Variants in ATRNL1 observed in about 807,000 individuals in gnomAD.
ATRNL1 encodes attractin-like protein 1.
Under a neutral mutation model 182.7 loss-of-function variants are expected in ATRNL1, and 95 were observed. That is an observed-to-expected ratio of 0.52 (90% CI 0.44 to 0.62). The LOEUF (loss-of-function observed/expected upper bound fraction) is 0.62, where lower values mean the gene tolerates loss of function less well. ATRNL1 is among the 20% of genes least tolerant of loss of function. The pLI is 0.00. For missense variants in ATRNL1, 1,471 were observed against 1,679.5 expected, an observed-to-expected ratio of 0.88 and a Z score of 2.17; for synonymous variants, 576 against 568.3, an observed-to-expected ratio of 1.01 and a Z score of -0.19.
chr10:115,922,038 T>C (rs1197661487), intron 28 of ATRNL1, among the ~76,000 whole-genome samples: 32 of 152,164 alleles, frequency 2.1e-4, no homozygotes. Context: ...TTGAGACTGC[T>C]GCCAGCCTCG....
intron 9 of ATRNL1, among the ~76,000 whole-genome samples, chr10:115,223,609 G>A (rs989539064): frequency 1.3e-5 from 2 of 151,682 alleles, no homozygotes; most frequent in African/African-American, 2.4e-5. Context: ...CATTTGAATA[G>A]GACAATGAAC....
At chr10:115,602,635 G>C (rs748022958) in intron 26 of ATRNL1, among the ~76,000 whole-genome samples, 1 of 152,108 alleles carries the variant, frequency 6.6e-6, no homozygotes, top group Non-Finnish European at 1.5e-5. Flanking sequence ...AGGCCAAGGT[G>C]GGTGGATCAC....
At chr10:115,581,356 T>C (rs1855062089) in intron 26 of ATRNL1, among the ~76,000 whole-genome samples, 1 of 152,074 alleles carries the variant, frequency 6.6e-6, no homozygotes, top group South Asian at 2.1e-4. Flanking sequence ...ATGTTAGATA[T>C]GTATTGTCAG....
chr10:115,540,206 A>G (rs536927861), intron 25 of ATRNL1, among the ~76,000 whole-genome samples: 4 of 152,046 alleles, frequency 2.6e-5, no homozygotes, highest in Non-Finnish European at 4.4e-5. Context: ...CTGTGTGCTG[A>G]TCTGATCCTA....
At chr10:115,159,091 G>A (rs1215143453) in intron 5 of ATRNL1, among the ~76,000 whole-genome samples, 1 of 151,398 alleles carries the variant, frequency 6.6e-6, no homozygotes, top group East Asian at 1.9e-4. Flanking sequence ...TTTTTAACTT[G>A]GGACCCATTA....
chr10:115,180,883 G>A (rs1847723129), intron 8 of ATRNL1, among the ~76,000 whole-genome samples: 1 of 151,922 alleles, frequency 6.6e-6, no homozygotes, highest in Non-Finnish European at 1.5e-5. Flanking sequence ...GGTTCAGATA[G>A]TAAATAGTTT....
chr10:115,595,210 TCCTTCCTC>T (rs144621022), intron 26 of ATRNL1, among the ~76,000 whole-genome samples: 45,075 of 151,658 alleles, frequency 0.3, 7,737 homozygotes, highest in East Asian at 0.67. Context: ...TTTTTTTCTT[TCCTTCCTC>T]CCTTCCTTTC....
chr10:115,858,300 T>G (rs1555102596), intron 28 of ATRNL1, among the ~76,000 whole-genome samples: 3 of 152,180 alleles, frequency 2.0e-5, no homozygotes, highest in Non-Finnish European at 4.4e-5. Context: ...TGCCCATCAA[T>G]GATAGCCTGG....
At chr10:115,619,194 T>G (rs1182956718) in intron 26 of ATRNL1, among the ~76,000 whole-genome samples, 1 of 152,066 alleles carries the variant, frequency 6.6e-6, no homozygotes, top group African/African-American at 2.4e-5. Context: ...AATCCTTGGG[T>G]CTCTGGGGTC....
intron 21 of ATRNL1, among the ~76,000 whole-genome samples, chr10:115,436,166 C>A (rs1846396670): frequency 6.6e-6 from 1 of 151,936 alleles, no homozygotes; most frequent in East Asian, 1.9e-4. Flanking sequence ...AAATGAATTT[C>A]AAGGTTTGTT....
intron 19 of ATRNL1, among the ~76,000 whole-genome samples, chr10:115,382,745 A>G (rs1858095591): frequency 6.6e-6 from 1 of 151,116 alleles, no homozygotes. Flanking sequence ...CTCCAGTACA[A>G]GCATAAAAAT....
intron 28 of ATRNL1, among the ~76,000 whole-genome samples, chr10:115,920,860 GAAGTT>G (rs1555118547): frequency 6.6e-6 from 1 of 152,116 alleles, no homozygotes; most frequent in African/African-American, 2.4e-5. Context: ...AGAGAAAGAA[GAAGTT>G]AAGAAGTATC....
intron 27 of ATRNL1, among the ~76,000 whole-genome samples, chr10:115,740,821 A>AACAC (rs1314938267): frequency 0.038 from 2,167 of 57,264 alleles, 50 homozygotes; most frequent in African/African-American, 0.087. Context: ...TATCTCTTTA[A>AACAC]ACACACACAC....
At chr10:115,206,316 A>G (rs532513922) in intron 8 of ATRNL1, among the ~76,000 whole-genome samples, 15 of 151,792 alleles carry the variant, frequency 9.9e-5, no homozygotes, top group African/African-American at 3.6e-4. Flanking sequence ...TTTGTTTGTG[A>G]TTTGCTCAGG....
intron 26 of ATRNL1, among the ~76,000 whole-genome samples, chr10:115,684,447 TG>T (rs1467075157): frequency 5.6e-5 from 8 of 144,140 alleles, no homozygotes; most frequent in African/African-American, 9.8e-5. Flanking sequence ...AAAAAGTTTC[TG>T]TTTTTTTTTT....
chr10:115,539,710 C>A (rs1327831263), intron 25 of ATRNL1, among the ~76,000 whole-genome samples: 1 of 152,152 alleles, frequency 6.6e-6, no homozygotes, highest in African/African-American at 2.4e-5. Context: ...GAAGCAGGAA[C>A]ATGGGCAGCA....
chr10:115,096,655 A>C (rs1554863216), intron 1 of ATRNL1: 2 of 1,288,860 alleles, frequency 1.6e-6, no homozygotes, highest in Non-Finnish European at 2.0e-6. Context: ...GGATTTCGCC[A>C]GGGAATAAAA....
chr10:115,901,150 A>G (rs1005529786), intron 28 of ATRNL1, among the ~76,000 whole-genome samples: 3 of 152,188 alleles, frequency 2.0e-5, no homozygotes, highest in Non-Finnish European at 4.4e-5. Context: ...GAGTTAATTA[A>G]TTGATATTTT....
At chr10:115,914,803 C>G (rs1952795103) in intron 28 of ATRNL1, among the ~76,000 whole-genome samples, 1 of 152,186 alleles carries the variant, frequency 6.6e-6, no homozygotes, top group South Asian at 2.1e-4. Flanking sequence ...AGGATTCACA[C>G]TTCTACTGTG....
Sources: allele counts gnomAD v4.1 joint callset (sites outside exome capture counted in the v4.1 genomes callset), GRCh38; gene constraint gnomAD v4.1.1; transcripts MANE v1.5; gene names NCBI Gene and HGNC (gene_info 2026-07-23, HGNC 2026-07-21).